PTBP2: variants seen among roughly 807,000 people sequenced by gnomAD.
PTBP2 encodes the protein polypyrimidine tract binding protein 2.
A neutral mutation model predicts 61.4 loss-of-function variants in PTBP2; 13 were observed. The observed-to-expected ratio is 0.21, with a 90% CI of 0.14 to 0.34. The LOEUF (loss-of-function observed/expected upper bound fraction) is 0.34. PTBP2 is among the 10% of genes least tolerant of loss of function. PTBP2 has a pLI of 1.00. For missense variants in PTBP2, 405 were observed against 642.6 expected (o/e 0.63, Z 4.00); for synonymous variants, 215 against 218.5 (o/e 0.98, Z 0.14).
chr1:96,721,997 C>A (rs1649635574), intron 1 of PTBP2, 125 bp downstream of exon 1: 4 of 1,285,494 alleles, frequency 3.1e-6, no homozygotes, highest in African/African-American at 3.0e-5. Context: ...GTTACCCAAC[C>A]CCCGCCCCAT....
rs961214343 is a variant in PTBP2 at position 96,795,712 on chromosome 1, A to G, written c.905-9088A>G. 4.6e-5 allele frequency among the ~76,000 whole-genome samples: 7 copies of G among 152,182 alleles called. No homozygotes were observed. In the South Asian group the frequency reaches 6.2e-4, roughly 13 times the overall value. On this transcript the variant is annotated intron_variant, in intron 8 of 13. Coordinates refer to ENST00000674951, the MANE Select transcript of PTBP2 (RefSeq NM_021190.4). Reference sequence around the variant, plus strand: ...AAGGAATTAAGGATATAAACGTGATAAGAAAGTATGCACTGTACTCTTTGA... The same window carrying G: ...AAGGAATTAAGGATATAAACGTGATGAGAAAGTATGCACTGTACTCTTTGA...
At chr1:96,811,052 G>T (rs1351073652) in intron 11 of PTBP2, among the ~76,000 whole-genome samples, 4 of 151,658 alleles carry the variant, frequency 2.6e-5, no homozygotes, top group Non-Finnish European at 5.9e-5. Context: ...AGGAAGAGTG[G>T]ACTCTTTTTT....
At chr1:96,801,515 G>A (rs1660994506) in intron 8 of PTBP2, among the ~76,000 whole-genome samples, 1 of 152,054 alleles carries the variant, frequency 6.6e-6, no homozygotes, top group Non-Finnish European at 1.5e-5. Context: ...ATAGCATACA[G>A]TGGTAACTGA....
chr1:96,736,116 A>G (rs1489239294), intron 2 of PTBP2, among the ~76,000 whole-genome samples: 1 of 152,218 alleles, frequency 6.6e-6, no homozygotes, highest in Non-Finnish European at 1.5e-5. Context: ...AAATTATCAT[A>G]TAAGGAGAAG....
chr1:96,725,456 C>T (rs1006510399), intron 2 of PTBP2, among the ~76,000 whole-genome samples: 6 of 151,950 alleles, frequency 3.9e-5, no homozygotes, highest in African/African-American at 7.2e-5. Flanking sequence ...CCCACCACCA[C>T]GCCCGGCTAA....
chr1:96,759,972 T>C (rs994615454), intron 3 of PTBP2, among the ~76,000 whole-genome samples: 1 of 152,114 alleles, frequency 6.6e-6, no homozygotes, highest in Middle Eastern at 3.2e-3. Context: ...AAAAGAGAGC[T>C]TGTGCGGGGA....
At chr1:96,786,571 A>G (rs1570943533) in intron 8 of PTBP2, among the ~76,000 whole-genome samples, 1 of 152,224 alleles carries the variant, frequency 6.6e-6, no homozygotes, top group East Asian at 1.9e-4. Flanking sequence ...TTATTACTAT[A>G]GATTATTAAA....
At chr1:96,791,027 AC>A (rs1177901663) in intron 8 of PTBP2, among the ~76,000 whole-genome samples, 2 of 145,224 alleles carry the variant, frequency 1.4e-5, no homozygotes, top group African/African-American at 2.6e-5. Context: ...AAAAAAAAAA[AC>A]CATCCAGGTA....
chr1:96,756,630 A>G (rs1478948958), intron 3 of PTBP2, among the ~76,000 whole-genome samples: 1 of 152,202 alleles, frequency 6.6e-6, no homozygotes, highest in Non-Finnish European at 1.5e-5. Context: ...GAAATGAGCT[A>G]TCAAGCCATG....
intron 2 of PTBP2, among the ~76,000 whole-genome samples, chr1:96,725,142 T>A (rs1321018377): frequency 6.6e-6 from 1 of 152,112 alleles, no homozygotes; most frequent in Non-Finnish European, 1.5e-5. Flanking sequence ...CCAAACAGAT[T>A]TCTGTAAATT....
chr1:96,807,616 G>A lies in PTBP2; in HGVS notation c.1171+658G>A, dbSNP rs1248418713. Among the ~76,000 whole-genome samples, 2 of 152,160 alleles carry A rather than the reference G, an allele frequency of 1.3e-5. 1 individual carries two copies. Among genetic ancestry groups the A allele is most frequent in the South Asian group, 4.1e-4 (2 of 4,828 alleles). On this transcript the variant is annotated intron_variant, in intron 11 of 13. Transcript: ENST00000674951. The stretch of plus-strand genomic sequence containing the variant: ...TGTTCATTGAGATTCAGGGATAATG[G>A]TGCCTCAGACTGATTGTATTCACAT...
chr1:96,749,698 A>G, intron 2 of PTBP2: 1 of 455,362 alleles, frequency 2.2e-6, no homozygotes, highest in South Asian at 1.6e-5. Context: ...TAATTCACTT[A>G]CTTAGTCAAT....
intron 2 of PTBP2, among the ~76,000 whole-genome samples, chr1:96,741,178 A>C (rs1018529101): frequency 3.9e-5 from 6 of 151,938 alleles, no homozygotes; most frequent in Non-Finnish European, 5.9e-5. Context: ...AAAAAAAAAA[A>C]CATTGATTCC....
At chr1:96,777,249 T>G (rs1016995972) in intron 5 of PTBP2, among the ~76,000 whole-genome samples, 1 of 152,196 alleles carries the variant, frequency 6.6e-6, no homozygotes, top group South Asian at 2.1e-4. Context: ...AGTTGTATTC[T>G]CTAAATTTCT....
chr1:96,808,928 A>G (rs1661766711), intron 11 of PTBP2, among the ~76,000 whole-genome samples: 2 of 152,212 alleles, frequency 1.3e-5, no homozygotes, highest in African/African-American at 2.4e-5. Flanking sequence ...TACTTTTTAC[A>G]AGAGACATGT....
chr1:96,810,024 T>A (rs548763957), intron 11 of PTBP2, among the ~76,000 whole-genome samples: 132 of 152,186 alleles, frequency 8.7e-4, no homozygotes, highest in African/African-American at 1.9e-4. Context: ...CACAAAAAAA[T>A]TTTTTTGAAT....
At chr1:96,739,219 T>C (rs1252602731) in intron 2 of PTBP2, among the ~76,000 whole-genome samples, 1 of 152,184 alleles carries the variant, frequency 6.6e-6, no homozygotes, top group African/African-American at 2.4e-5. Context: ...GATAAAGTTA[T>C]TAATGTTGCT....
intron 11 of PTBP2, among the ~76,000 whole-genome samples, chr1:96,808,810 A>AACAC (rs71748547): frequency 4.7e-5 from 7 of 150,248 alleles, no homozygotes; most frequent in African/African-American, 7.4e-5. Context: ...CACACACACA[A>AACAC]ACACACACAC....
intron 7 of PTBP2, among the ~76,000 whole-genome samples, chr1:96,782,876 C>G (rs1658843466): frequency 6.6e-6 from 1 of 151,896 alleles, no homozygotes; most frequent in Non-Finnish European, 1.5e-5. Context: ...CTTTCTGTGC[C>G]TAATATCTTT....
Sources: allele counts gnomAD v4.1 joint callset (sites outside exome capture counted in the v4.1 genomes callset), GRCh38; gene constraint gnomAD v4.1.1; transcripts MANE v1.5; gene names NCBI Gene and HGNC (gene_info 2026-07-23, HGNC 2026-07-21).